Variants in ZNF609 observed in about 807,000 individuals in gnomAD.
ZNF609 encodes the protein zinc finger protein 609.
ZNF609 carries 11 observed loss-of-function variants against 109.5 expected under a neutral mutation model. The observed-to-expected ratio is 0.10, with a 90% CI of 0.06 to 0.17. ZNF609 has a LOEUF of 0.17. Ranked by LOEUF, ZNF609 falls within the 10% of genes least tolerant of loss-of-function variation. The probability of loss-of-function intolerance (pLI) is 1.00; values close to 1 mark genes in which losing one functional copy is unlikely to be tolerated. For synonymous variants in ZNF609, 646 were observed against 662.0 expected, an observed-to-expected ratio of 0.98 and a Z score of 0.37; for missense variants, 1,559 against 1,772.4, an observed-to-expected ratio of 0.88 and a Z score of 2.16.
chr15:64,503,470 C>G (rs996844022), intron 2 of ZNF609, among the ~76,000 whole-genome samples: 2 of 152,152 alleles, frequency 1.3e-5, no homozygotes, highest in African/African-American at 4.8e-5. Context: ...AGGCGCCTGT[C>G]TGAGTGTCCT....
intron 7 of ZNF609, 121 bp downstream of exon 7, chr15:64,680,481 G>A (rs12437786): frequency 0.3 from 414,782 of 1,368,070 alleles, 67,443 homozygotes; most frequent in Admixed American, 0.49. Context: ...ACTTGACACT[G>A]GCAGCCCCCA....
At chr15:64,681,597 G>A in intron 9 of ZNF609, 95 bp from the exon 10 acceptor site, 1 of 453,338 alleles carries the variant, frequency 2.2e-6, no homozygotes, top group South Asian at 5.0e-5. Context: ...GACCAGTACT[G>A]GCCACTCCTA....
chr15:64,610,847 G>C (rs1895704917), intron 2 of ZNF609, among the ~76,000 whole-genome samples: 1 of 152,120 alleles, frequency 6.6e-6, no homozygotes, highest in Non-Finnish European at 1.5e-5. Flanking sequence ...CTTGAGTACA[G>C]TTTGGTCCAG....
rs78490375 is a variant in ZNF609 at position 64,597,788 on chromosome 15, C to T, written c.748-25039C>T. Among the ~76,000 whole-genome samples, 135 of 152,250 alleles carry T rather than the reference C, an allele frequency of 8.9e-4. 2 individuals are homozygous for T. The highest frequency in any genetic ancestry group is 7.9e-3 in the South Asian group (38 of 4,826). On this transcript the variant is annotated intron_variant, in intron 2 of 9. Coordinates refer to ENST00000326648, the MANE Select transcript of ZNF609 (RefSeq NM_015042.2). The stretch of plus-strand genomic sequence containing the variant: ...GAAGGTCACAGAGATACTGCCCCAT[C>T]CCCAGCTCACAGGACCACCCAGTGA...
At chr15:64,588,288 G>A (rs1308076479) in intron 2 of ZNF609, among the ~76,000 whole-genome samples, 3 of 149,584 alleles carry the variant, frequency 2.0e-5, no homozygotes, top group Admixed American at 1.3e-4. Flanking sequence ...AATTAGCCGG[G>A]CGTGGTGGCG....
intron 3 of ZNF609, among the ~76,000 whole-genome samples, chr15:64,645,716 C>T (rs1251193106): frequency 4.6e-5 from 7 of 151,678 alleles, no homozygotes; most frequent in African/African-American, 1.7e-4. Context: ...CAAAAATGCG[C>T]GTAAGACTTG....
At chr15:64,539,171 TTTA>T (rs143398534) in intron 2 of ZNF609, among the ~76,000 whole-genome samples, 13,164 of 137,406 alleles carry the variant, frequency 0.096, 1,395 homozygotes, top group South Asian at 0.27. Flanking sequence ...GCCTTATTTA[TTTA>T]TTTATTTATT....
intron 3 of ZNF609, among the ~76,000 whole-genome samples, chr15:64,660,982 G>A (rs1031769755): frequency 2.6e-5 from 4 of 152,126 alleles, no homozygotes; most frequent in Non-Finnish European, 4.4e-5. Flanking sequence ...TGTTGAGACC[G>A]GGTTTCACTC....
At chr15:64,597,325 T>G (rs955063026) in intron 2 of ZNF609, among the ~76,000 whole-genome samples, 2 of 152,068 alleles carry the variant, frequency 1.3e-5, no homozygotes, top group African/African-American at 4.8e-5. Flanking sequence ...GAGAGACAAA[T>G]GAGAGCAGCT....
chr15:64,459,726 T>C (rs967546996), upstream of ZNF609, among the ~76,000 whole-genome samples: 1 of 152,142 alleles, frequency 6.6e-6, no homozygotes, highest in African/African-American at 2.4e-5. Flanking sequence ...TAAATTTGTT[T>C]GCTATGGAAT....
chr15:64,506,600 G>A (rs1245897786), intron 2 of ZNF609, among the ~76,000 whole-genome samples: 4 of 151,660 alleles, frequency 2.6e-5, no homozygotes, highest in Non-Finnish European at 4.4e-5. Context: ...CATGCCTGTA[G>A]TCCCAGCTAC....
chr15:64,662,267 G>A (rs1369431756), intron 3 of ZNF609, among the ~76,000 whole-genome samples: 2 of 152,122 alleles, frequency 1.3e-5, no homozygotes, highest in East Asian at 3.8e-4. Flanking sequence ...TTATCACCTT[G>A]TCTCAAAAGT....
intron 3 of ZNF609, among the ~76,000 whole-genome samples, chr15:64,666,964 A>G (rs1567042879): frequency 1.3e-5 from 2 of 152,062 alleles, no homozygotes; most frequent in Non-Finnish European, 2.9e-5. Flanking sequence ...TGTCTCTACT[A>G]AAAAATACAA....
At chr15:64,611,858 G>A (rs1185802307) in intron 2 of ZNF609, among the ~76,000 whole-genome samples, 1 of 150,450 alleles carries the variant, frequency 6.6e-6, no homozygotes, top group Non-Finnish European at 1.5e-5. Flanking sequence ...TCAGCCTCCC[G>A]AGTAGCTGAG....
At chr15:64,472,549 T>C (rs1327178297) in intron 1 of ZNF609, among the ~76,000 whole-genome samples, 1 of 152,172 alleles carries the variant, frequency 6.6e-6, no homozygotes, top group Non-Finnish European at 1.5e-5. Flanking sequence ...TGAATTTTCA[T>C]TCATATGAAT....
At chr15:64,529,700 G>T (rs529004014) in intron 2 of ZNF609, 1 of 690,078 alleles carries the variant, frequency 1.4e-6, no homozygotes, top group East Asian at 2.9e-5. Flanking sequence ...CTGCCAATGC[G>T]AGAGAATATG....
At chr15:64,584,653 C>T (rs1895165982) in intron 2 of ZNF609, among the ~76,000 whole-genome samples, 1 of 151,180 alleles carries the variant, frequency 6.6e-6, no homozygotes, top group African/African-American at 2.4e-5. Flanking sequence ...TTTTTTGAGA[C>T]GGAGTTTCAC....
intron 8 of ZNF609, 143 bp from the exon 9 acceptor site, chr15:64,681,166 A>C: frequency 1.3e-6 from 1 of 767,676 alleles, no homozygotes; most frequent in Non-Finnish European, 2.2e-6. Context: ...CAGCTGAGAA[A>C]TAGAGCCTTA....
chr15:64,607,502 C>CT (rs200902765), intron 2 of ZNF609, among the ~76,000 whole-genome samples: 18,734 of 131,972 alleles, frequency 0.14, 1,581 homozygotes, highest in Non-Finnish European at 0.19. Context: ...TTAAGGCATA[C>CT]TTTTTTTTTT....
Sources: allele counts gnomAD v4.1 joint callset (sites outside exome capture counted in the v4.1 genomes callset), GRCh38; gene constraint gnomAD v4.1.1; transcripts MANE v1.5; gene names NCBI Gene and HGNC (gene_info 2026-07-23, HGNC 2026-07-21).